Variants in DGKI observed in about 807,000 individuals in gnomAD.
DGKI encodes the protein diacylglycerol kinase iota.
In DGKI, 55 loss-of-function variants were observed where a neutral mutation model predicts 147.5. The observed-to-expected ratio is 0.37, with a 90% CI of 0.30 to 0.47. The LOEUF is 0.47. Ranked by LOEUF, DGKI falls within the 20% of genes least tolerant of loss-of-function variation. The probability of loss-of-function intolerance (pLI) is 1.00; values close to 1 mark genes in which losing one functional copy is unlikely to be tolerated. For synonymous variants in DGKI, 469 were observed against 477.1 expected, an observed-to-expected ratio of 0.98 and a Z score of 0.22; for missense variants, 1,007 against 1,323.8, an observed-to-expected ratio of 0.76 and a Z score of 3.71.
At chr7:137,528,517 T>C (rs1229941089) in intron 20 of DGKI, among the ~76,000 whole-genome samples, 1 of 152,172 alleles carries the variant, frequency 6.6e-6, no homozygotes, top group African/African-American at 2.4e-5. Flanking sequence ...CAGAGGTTAT[T>C]AATTCTTTTT....
intron 21 of DGKI, among the ~76,000 whole-genome samples, chr7:137,510,996 G>T (rs1816561112): frequency 6.6e-6 from 1 of 152,196 alleles, no homozygotes; most frequent in Non-Finnish European, 1.5e-5. Context: ...CAGTGATTCA[G>T]GAAACCCACT....
chr7:137,381,038 A>G lies in DGKI; in HGVS notation c.*10182T>C, dbSNP rs1811047589. 1.3e-5 allele frequency: 2 copies of G among 152,102 alleles called. No individual in the cohort carries two copies. The highest frequency in any genetic ancestry group is 1.3e-4 in the Admixed American group (2 of 15,250). 9.4% of individuals were successfully genotyped at this position (152,102 alleles called of 1,614,324 possible). A position where few individuals can be genotyped will look rare whatever the true frequency, so the allele number is the denominator to read the frequency against. ...TCCAGAAAAAATAAACAAATGAACT[A>G]CATTTCTTCATTTTTATTCTGTACA... On this transcript the variant is annotated 3_prime_UTR_variant, in exon 33 of 33. Coordinates refer to ENST00000614521, the MANE Select transcript of DGKI (RefSeq NM_001321708.2).
intron 3 of DGKI, among the ~76,000 whole-genome samples, chr7:137,668,337 C>G (rs1263677252): frequency 6.6e-6 from 1 of 152,214 alleles, no homozygotes; most frequent in Non-Finnish European, 1.5e-5. Context: ...CTAAACAGGG[C>G]ATAAAACCTT....
chr7:137,504,643 T>C (rs2128944271), intron 21 of DGKI, among the ~76,000 whole-genome samples: 1 of 152,324 alleles, frequency 6.6e-6, no homozygotes, highest in East Asian at 1.9e-4. Flanking sequence ...TGACATTTCC[T>C]TAAGCATCAA....
rs1018475354 is a variant in DGKI at position 137,385,367 on chromosome 7, C to A, written c.*5853G>T. On this transcript the variant is annotated 3_prime_UTR_variant, in exon 33 of 33. Coordinates refer to ENST00000614521, the MANE Select transcript of DGKI (RefSeq NM_001321708.2). Reference sequence around the variant, plus strand: ...TTTTCATGAGTTTTTAAAATAAAATCCTGCCATTCAACAAAGCCATTAAAA... The same window carrying A: ...TTTTCATGAGTTTTTAAAATAAAATACTGCCATTCAACAAAGCCATTAAAA... 1 of 151,956 alleles carries A rather than the reference C, an allele frequency of 6.6e-6. No homozygotes were observed. Among genetic ancestry groups the A allele is most frequent in the Non-Finnish European group, 1.5e-5 (1 of 67,946 alleles). 9.4% of individuals were successfully genotyped at this position (151,956 alleles called of 1,614,324 possible).
intron 6 of DGKI, among the ~76,000 whole-genome samples, chr7:137,643,246 G>A (rs1585321050): frequency 3.0e-5 from 4 of 131,810 alleles, no homozygotes; most frequent in Admixed American, 2.7e-4. Context: ...AGTGGAGATC[G>A]CGCCACTGCA....
At chr7:137,676,082 C>A (rs544857286) in intron 3 of DGKI, among the ~76,000 whole-genome samples, 1 of 152,116 alleles carries the variant, frequency 6.6e-6, no homozygotes, top group Non-Finnish European at 1.5e-5. Context: ...AGATGACATG[C>A]GCCTCACAGT....
At position 137,843,901 on chromosome 7, in the gene DGKI, C is replaced by T. The variant is rs1413867413; in HGVS notation, c.401+2561G>A. ...GCCTACCTGCAAATCTCCACTCCTC[C>T]ACCTCAAATGATCCCCCTCACGCAA... On this transcript the variant is annotated intron_variant, in intron 1 of 32. Transcript: ENST00000614521. Among the ~76,000 whole-genome samples, 3 of 152,078 alleles carry T rather than the reference C, an allele frequency of 2.0e-5. No individual in the cohort carries two copies. The East Asian group carries it at 5.8e-4, about 29-fold the overall frequency.
intron 1 of DGKI, among the ~76,000 whole-genome samples, chr7:137,798,762 T>C (rs1797108897): frequency 2.0e-5 from 3 of 152,228 alleles, no homozygotes; most frequent in African/African-American, 7.2e-5. Context: ...CAAAATATTA[T>C]CAAACCCAAC....
At chr7:137,622,047 G>A (rs1283833481) in intron 7 of DGKI, among the ~76,000 whole-genome samples, 1 of 152,014 alleles carries the variant, frequency 6.6e-6, no homozygotes, top group African/African-American at 2.4e-5. Flanking sequence ...TTGAACAGAA[G>A]TGAAATGATT....
rs1819348333 is a variant in DGKI, at chr7:137,585,264, T to G, written c.1508A>C (p.His503Pro). The G allele has an allele frequency of 6.2e-7, 1 of 1,614,054 alleles. No individual in the cohort carries two copies. Among genetic ancestry groups the G allele is most frequent in the African/African-American group, 1.3e-5 (1 of 74,924 alleles). ...AGGCAAGTCGGGGTTTCTTTCCACATGGAGGTTCCAGCGATCTAGCTGTAC... is the reference window on the plus strand; with the variant it reads ...AGGCAAGTCGGGGTTTCTTTCCACAGGGAGGTTCCAGCGATCTAGCTGTAC... Reference protein sequence around the residue: ...TVVQLDRWNLHVERNPDLPPE... With the variant: ...TVVQLDRWNLPVERNPDLPPE... The change falls in exon 14 of 33, where the codon CAT (histidine) becomes CCT (proline). Residue 503 changes from histidine (H) to proline (P), a missense_variant. Transcript: ENST00000614521.
intron 1 of DGKI, among the ~76,000 whole-genome samples, chr7:137,813,865 C>T (rs6972606): frequency 0.013 from 1,967 of 152,184 alleles, 52 homozygotes; most frequent in African/African-American, 0.045. Flanking sequence ...TATCTAATAA[C>T]GCTAATAGTT....
At chr7:137,598,562 A>G (rs1355158368) in intron 11 of DGKI, among the ~76,000 whole-genome samples, 5 of 152,196 alleles carry the variant, frequency 3.3e-5, no homozygotes. Flanking sequence ...TTGAAATAAG[A>G]TAATTTTGTC....
At chr7:137,696,107 T>C (rs1172377496) in intron 1 of DGKI, among the ~76,000 whole-genome samples, 1 of 152,166 alleles carries the variant, frequency 6.6e-6, no homozygotes, top group Non-Finnish European at 1.5e-5. Flanking sequence ...ATATGTGCTT[T>C]TTGATTGCTC....
At chr7:137,529,465 C>T (rs538001337) in intron 20 of DGKI, among the ~76,000 whole-genome samples, 4 of 152,220 alleles carry the variant, frequency 2.6e-5, no homozygotes, top group Admixed American at 1.3e-4. Flanking sequence ...ACTAATTTAC[C>T]ACATGGTTAT....
At chr7:137,686,412 T>C (rs1427740708) in intron 2 of DGKI, among the ~76,000 whole-genome samples, 2 of 152,176 alleles carry the variant, frequency 1.3e-5, no homozygotes, top group African/African-American at 2.4e-5. Flanking sequence ...ATCCCTGACA[T>C]GCACGGAGGA....
chr7:137,423,254 G>C (rs932954684), intron 28 of DGKI, among the ~76,000 whole-genome samples: 21 of 152,198 alleles, frequency 1.4e-4, no homozygotes, highest in African/African-American at 4.1e-4. Context: ...TGTAGCTCTG[G>C]TGACTGTTAC....
intron 20 of DGKI, among the ~76,000 whole-genome samples, chr7:137,549,268 C>A (rs1817966756): frequency 6.6e-6 from 1 of 152,118 alleles, no homozygotes; most frequent in Non-Finnish European, 1.5e-5. Flanking sequence ...GGGTATGAGT[C>A]TTCAATTTTT....
intron 21 of DGKI, among the ~76,000 whole-genome samples, chr7:137,516,915 A>T (rs964623187): frequency 2.6e-5 from 4 of 152,060 alleles, no homozygotes; most frequent in Admixed American, 6.6e-5. Flanking sequence ...TTCCTAAAGA[A>T]TAGAGTAGGG....
Sources: allele counts gnomAD v4.1 joint callset (sites outside exome capture counted in the v4.1 genomes callset), GRCh38; gene constraint gnomAD v4.1.1; transcripts MANE v1.5; gene names NCBI Gene and HGNC (gene_info 2026-07-23, HGNC 2026-07-21).